EML1: variants seen among roughly 807,000 people sequenced by gnomAD.
The protein encoded by EML1 is EMAP like 1.
EML1 carries 27 observed loss-of-function variants against 110.4 expected under a neutral mutation model. The observed-to-expected ratio is 0.24, with a 90% CI of 0.18 to 0.34. EML1 has a LOEUF of 0.34. Ranked by LOEUF, EML1 falls within the 10% of genes least tolerant of loss-of-function variation. EML1 has a pLI of 1.00. For missense variants in EML1, 741 were observed against 1,030.9 expected, an observed-to-expected ratio of 0.72 and a Z score of 3.85; for synonymous variants, 344 against 385.8, an observed-to-expected ratio of 0.89 and a Z score of 1.27.
intron 4 of EML1, among the ~76,000 whole-genome samples, chr14:99,884,461 C>A (rs1430867366): frequency 6.6e-6 from 1 of 152,188 alleles, no homozygotes; most frequent in Middle Eastern, 3.2e-3. Context: ...AAGACTCATT[C>A]TCCTAACAAA....
chr14:99,739,143 T>C (rs1263400718), intron 1 of EML1, among the ~76,000 whole-genome samples: 3 of 149,706 alleles, frequency 2.0e-5, no homozygotes, highest in Non-Finnish European at 3.0e-5. Context: ...TGTGTGTGTG[T>C]GTGTGTGTGT....
At chr14:99,850,440 C>T (rs553299176) in intron 1 of EML1, 1 of 904,504 alleles carries the variant, frequency 1.1e-6, no homozygotes, top group East Asian at 6.2e-5. Flanking sequence ...ATTGTATGAC[C>T]TACCTGTCAG....
intron 17 of EML1, among the ~76,000 whole-genome samples, chr14:99,927,623 A>G (rs1256734982): frequency 1.3e-5 from 2 of 151,878 alleles, no homozygotes; most frequent in Admixed American, 6.6e-5. Context: ...ACTTTCCTTC[A>G]TCTACAATTT....
intron 1 of EML1, among the ~76,000 whole-genome samples, chr14:99,810,888 G>A (rs1452640058): frequency 6.6e-6 from 1 of 152,196 alleles, no homozygotes; most frequent in Non-Finnish European, 1.5e-5. Flanking sequence ...TTAGCTTGAT[G>A]TAATCATCCA....
At chr14:99,899,623 A>C (rs925800447) in intron 8 of EML1, 1 of 152,054 alleles carries the variant, frequency 6.6e-6, no homozygotes, top group Non-Finnish European at 1.5e-5. Context: ...GACCTGCATT[A>C]ATATTTTATA....
At chr14:99,769,015 G>A (rs1225105623), upstream of EML1, among the ~76,000 whole-genome samples, 1 of 152,132 alleles carries the variant, frequency 6.6e-6, no homozygotes, top group Admixed American at 6.5e-5. Flanking sequence ...ACCACGCCTG[G>A]CCTGCTTGTA....
chr14:99,767,345 T>C (rs1226277609), intron 1 of EML1, among the ~76,000 whole-genome samples: 1 of 152,264 alleles, frequency 6.6e-6, no homozygotes, highest in Non-Finnish European at 1.5e-5. Context: ...GGCTCACGCC[T>C]GTAATCCCAA....
chr14:99,783,195 A>G (rs757057270), intron 1 of EML1, among the ~76,000 whole-genome samples: 4 of 127,486 alleles, frequency 3.1e-5, no homozygotes, highest in African/African-American at 9.0e-5. Flanking sequence ...CCTGTGTCCA[A>G]GTGTTCTCAT....
chr14:99,800,774 T>C (rs575377462), intron 1 of EML1, among the ~76,000 whole-genome samples: 1 of 152,358 alleles, frequency 6.6e-6, no homozygotes, highest in Admixed American at 6.5e-5. Context: ...GTACTCTCAG[T>C]TGTGTGTTAA....
chr14:99,900,735 C>G (rs1327977455), intron 8 of EML1, among the ~76,000 whole-genome samples, 194 bp from the exon 9 acceptor site: 1 of 152,104 alleles, frequency 6.6e-6, no homozygotes, highest in Non-Finnish European at 1.5e-5. Flanking sequence ...GTTAAATTAT[C>G]AACAAGGCCC....
In EML1 at chr14:99,903,784, C is replaced by CTTTTTTT. The variant is rs202121563; in HGVS notation, c.1008+2745_1008+2746insTTTTTTT. 3.5e-5 allele frequency among the ~76,000 whole-genome samples: 5 copies of CTTTTTTT among 141,612 alleles called. 1 individual carries two copies. The highest frequency in any genetic ancestry group is 3.1e-5 in the Non-Finnish European group (2 of 65,538). The allele number at this position is 141,612 out of a possible 152,430, so 92.9% of individuals were successfully genotyped here. ...ACAAAATCTCATAGATAAATCTATTCATTTTTTTTTTTTTTTTGAGACAGA... is the reference window on the plus strand; with the variant it reads ...ACAAAATCTCATAGATAAATCTATTCTTTTTTTATTTTTTTTTTTTTTTTGAGACAGA... On this transcript the variant is annotated intron_variant, in intron 9 of 21. Transcript: ENST00000262233.
At chr14:99,893,783 C>T (rs568022861) in intron 5 of EML1, among the ~76,000 whole-genome samples, 14 of 152,262 alleles carry the variant, frequency 9.2e-5, no homozygotes, top group East Asian at 1.9e-4. Context: ...CAGAATTCAG[C>T]GAGTTCTGAA....
intron 19 of EML1, among the ~76,000 whole-genome samples, 193 bp from the exon 20 acceptor site, chr14:99,937,624 C>G (rs1207671031): frequency 1.3e-5 from 2 of 152,110 alleles, no homozygotes; most frequent in East Asian, 3.9e-4. Flanking sequence ...CCACCCAGGC[C>G]CATGGGCTCG....
At chr14:99,834,363 T>C (rs981840708) in intron 1 of EML1, among the ~76,000 whole-genome samples, 3 of 151,654 alleles carry the variant, frequency 2.0e-5, no homozygotes, top group Non-Finnish European at 4.4e-5. Context: ...AGTGCAGTGG[T>C]GCAGTCTCGG....
Position 99,876,710 on chromosome 14 carries a change from C to G in EML1, c.384-1775C>G, listed in dbSNP as rs1261314865. ...CTCCAAGTGTCAAGACTAGAGCCAC[C>G]CAAGTCTGTGTGTGTTCCCAGAGCC... On this transcript the variant is annotated intron_variant, in intron 3 of 21. Coordinates refer to ENST00000262233, the MANE Select transcript of EML1 (RefSeq NM_004434.3). 2.6e-5 allele frequency among the ~76,000 whole-genome samples: 4 copies of G among 152,130 alleles called. No homozygotes were observed. The East Asian group carries it at 7.7e-4, about 29-fold the overall frequency.
At chr14:99,909,309 A>G (rs766664510) in intron 10 of EML1, 36 bp from the exon 11 acceptor site, 2 of 1,614,078 alleles carry the variant, frequency 1.2e-6, no homozygotes, top group Non-Finnish European at 8.5e-7. Context: ...GCGTCTTAAG[A>G]GATGTGAGGC....
chr14:99,931,491 CCTT>C (rs1257656303), intron 17 of EML1, among the ~76,000 whole-genome samples: 9 of 152,184 alleles, frequency 5.9e-5, no homozygotes, highest in African/African-American at 1.9e-4. Flanking sequence ...GTAAGGTTGT[CCTT>C]CTGCCCTGAG....
intron 1 of EML1, among the ~76,000 whole-genome samples, chr14:99,764,262 C>T (rs1341762236): frequency 1.3e-5 from 2 of 152,244 alleles, no homozygotes; most frequent in Non-Finnish European, 2.9e-5. Flanking sequence ...CAGCTCTTCA[C>T]CCAGGTTGTT....
chr14:99,802,366 G>A (rs12586955), intron 1 of EML1, among the ~76,000 whole-genome samples: 29,286 of 151,788 alleles, frequency 0.19, 3,412 homozygotes, highest in Non-Finnish European at 0.26. Context: ...CACATTTTTT[G>A]TTTTAAAAGA....
Sources: allele counts gnomAD v4.1 joint callset (sites outside exome capture counted in the v4.1 genomes callset), GRCh38; gene constraint gnomAD v4.1.1; transcripts MANE v1.5; gene names NCBI Gene and HGNC (gene_info 2026-07-23, HGNC 2026-07-21).